GPC5: variants seen among roughly 807,000 people sequenced by gnomAD.
GPC5 encodes glypican 5, also known as glypican-5.
Under a neutral mutation model 53.9 loss-of-function variants are expected in GPC5, and 47 were observed. The observed-to-expected ratio is 0.87, with a 90% CI of 0.69 to 1.11. The LOEUF is 1.11. Ranked by LOEUF, GPC5 falls within the 50% of genes most tolerant of loss-of-function variation. The pLI, the probability that GPC5 is intolerant of heterozygous loss-of-function variation, is 0.00. For missense variants in GPC5, 748 were observed against 713.1 expected (o/e 1.05, Z -0.56); for synonymous variants, 286 against 263.3 (o/e 1.09, Z -0.84).
At chr13:91,938,321 G>A (rs928883794) in intron 6 of GPC5, among the ~76,000 whole-genome samples, 3 of 152,034 alleles carry the variant, frequency 2.0e-5, no homozygotes, top group African/African-American at 4.8e-5. Context: ...AAGAGGGGAA[G>A]TGCAACACTC....
In GPC5 at chr13:91,756,404, G is replaced by A; in HGVS notation, c.1264G>A (p.Glu422Lys). The change falls in exon 5 of 8, where the codon GAA becomes AAA. Residue 422 changes from glutamate to lysine, a missense_variant. Transcript: ENST00000377067. Reference sequence around the variant, plus strand: ...AGATGGACTTCCCTGCTGGAATGGAGAAGATATAGTAAAAAGGTATTTTAT... The same window carrying A: ...AGATGGACTTCCCTGCTGGAATGGAAAAGATATAGTAAAAAGGTATTTTAT... ...AADGLPCWNG[E>K]DIVKSYTQRV... The A allele has an allele frequency of 6.3e-7, 1 of 1,590,132 alleles. No individual in the cohort carries two copies. The highest frequency in any genetic ancestry group is 8.6e-7 in the Non-Finnish European group (1 of 1,163,656).
intron 6 of GPC5, among the ~76,000 whole-genome samples, chr13:92,000,236 A>T (rs2040542435): frequency 6.6e-6 from 1 of 151,436 alleles, no homozygotes; most frequent in Non-Finnish European, 1.5e-5. Context: ...TCTCCGAGAC[A>T]CTGAGCACAA....
intron 7 of GPC5, among the ~76,000 whole-genome samples, chr13:92,293,884 A>G (rs912227309): frequency 5.9e-5 from 9 of 152,152 alleles, no homozygotes; most frequent in African/African-American, 2.2e-4. Context: ...GATTTTGCTG[A>G]AAGTCTTAAT....
chr13:91,504,548 C>A (rs1295717008), intron 2 of GPC5, among the ~76,000 whole-genome samples: 1 of 151,762 alleles, frequency 6.6e-6, no homozygotes, highest in Non-Finnish European at 1.5e-5. Flanking sequence ...GCAACTACTT[C>A]GAAAATAAAA....
At chr13:91,668,761 G>A (rs2035177090) in intron 2 of GPC5, among the ~76,000 whole-genome samples, 1 of 152,008 alleles carries the variant, frequency 6.6e-6, no homozygotes, top group Admixed American at 6.6e-5. Flanking sequence ...CTTATTGTTT[G>A]TGCAAAAACC....
intron 5 of GPC5, among the ~76,000 whole-genome samples, chr13:91,801,336 T>A (rs1398189976): frequency 1.3e-5 from 2 of 152,008 alleles, no homozygotes; most frequent in Non-Finnish European, 1.5e-5. Context: ...TAATTTTGTT[T>A]TTTGAAAGCT....
intron 7 of GPC5, among the ~76,000 whole-genome samples, chr13:92,642,780 G>T (rs1885636186): frequency 6.6e-6 from 1 of 152,172 alleles, no homozygotes; most frequent in Non-Finnish European, 1.5e-5. Context: ...AGAAGAAACA[G>T]AGGAGAGAGA....
intron 7 of GPC5, among the ~76,000 whole-genome samples, chr13:92,290,462 T>G (rs2042985671): frequency 6.6e-6 from 1 of 152,164 alleles, no homozygotes; most frequent in African/African-American, 2.4e-5. Flanking sequence ...GCACCCTATT[T>G]GTAGTCTTTT....
At chr13:91,690,451 T>C (rs1185197862) in intron 2 of GPC5, among the ~76,000 whole-genome samples, 1 of 152,146 alleles carries the variant, frequency 6.6e-6, no homozygotes, top group East Asian at 1.9e-4. Flanking sequence ...AATTAGTTTG[T>C]TGCTAATAAT....
At chr13:91,635,078 G>A (rs1356029810) in intron 2 of GPC5, among the ~76,000 whole-genome samples, 2 of 152,102 alleles carry the variant, frequency 1.3e-5, no homozygotes, top group Non-Finnish European at 2.9e-5. Context: ...GAAGATTAAT[G>A]TATTGAGACA....
intron 2 of GPC5, among the ~76,000 whole-genome samples, chr13:91,498,508 G>T (rs1165529285): frequency 6.6e-6 from 1 of 152,082 alleles, no homozygotes; most frequent in Non-Finnish European, 1.5e-5. Context: ...AATTAACTAG[G>T]GTGTGAACTG....
chr13:92,256,742 T>C (rs1268508904), intron 7 of GPC5, among the ~76,000 whole-genome samples: 2 of 152,056 alleles, frequency 1.3e-5, no homozygotes, highest in Admixed American at 1.3e-4. Flanking sequence ...AATTGATTTA[T>C]ATTGTTTTCT....
intron 7 of GPC5, among the ~76,000 whole-genome samples, chr13:92,192,840 A>T (rs910256313): frequency 5.9e-5 from 9 of 152,200 alleles, no homozygotes; most frequent in Non-Finnish European, 1.0e-4. Flanking sequence ...TACTTTTTTT[A>T]AAATTTGAAA....
At chr13:92,170,148 T>C (rs77836216) in intron 7 of GPC5, among the ~76,000 whole-genome samples, 1,903 of 151,880 alleles carry the variant, frequency 0.013, 33 homozygotes, top group African/African-American at 0.044. Context: ...TGCTTCAAAA[T>C]ACATGGAGAA....
intron 7 of GPC5, among the ~76,000 whole-genome samples, chr13:92,493,456 T>C (rs113947627): frequency 0.011 from 1,702 of 152,322 alleles, 13 homozygotes; most frequent in Middle Eastern, 0.037. Context: ...TATCTGCACA[T>C]TCAACTGCTC....
chr13:92,444,935 A>C (rs1877736685), intron 7 of GPC5, among the ~76,000 whole-genome samples: 1 of 152,098 alleles, frequency 6.6e-6, no homozygotes, highest in Admixed American at 6.6e-5. Flanking sequence ...AAAAATATCA[A>C]TGATCTTAGC....
chr13:91,939,621 C>A (rs1044486721), intron 6 of GPC5, among the ~76,000 whole-genome samples: 4 of 152,156 alleles, frequency 2.6e-5, no homozygotes, highest in African/African-American at 9.7e-5. Context: ...TAAGTGACCT[C>A]ATCAGATTTA....
At chr13:91,606,735 A>G (rs1185847961) in intron 2 of GPC5, among the ~76,000 whole-genome samples, 1 of 151,182 alleles carries the variant, frequency 6.6e-6, no homozygotes, top group Non-Finnish European at 1.5e-5. Flanking sequence ...TTTCTAGTTT[A>G]TTTGCGTAGA....
At chr13:91,810,041 T>A (rs2038285662) in intron 5 of GPC5, among the ~76,000 whole-genome samples, 1 of 151,970 alleles carries the variant, frequency 6.6e-6, no homozygotes, top group South Asian at 2.1e-4. Context: ...TCTTAAGTGG[T>A]TCTATTCCAA....
Sources: gnomAD v4.1 joint callset for allele counts (sites outside exome capture counted in the v4.1 genomes callset) on GRCh38, gnomAD v4.1.1 for gene constraint, MANE v1.5 for transcripts, NCBI Gene and HGNC (gene_info 2026-07-23, HGNC 2026-07-21) for gene names.